Variants in DEPDC5 observed in about 807,000 individuals in gnomAD.
The protein encoded by DEPDC5 is GATOR1 complex protein DEPDC5.
DEPDC5 carries 73 observed loss-of-function variants against 217.3 expected under a neutral mutation model. That is an observed-to-expected ratio of 0.34 (90% confidence interval 0.28 to 0.41). The LOEUF is 0.41. DEPDC5 is among the 10% of genes least tolerant of loss of function. The probability of loss-of-function intolerance (pLI) is 1.00; values close to 1 mark genes in which losing one functional copy is unlikely to be tolerated. For missense variants in DEPDC5, 1,675 were observed against 2,070.1 expected (o/e 0.81, Z 3.70); for synonymous variants, 733 against 756.7 (o/e 0.97, Z 0.51).
chr22:31,819,324 C>G, intron 22 of DEPDC5, 99 bp downstream of exon 22: 1 of 1,299,522 alleles, frequency 7.7e-7, no homozygotes, highest in Admixed American at 2.0e-5. Flanking sequence ...GCCTCTGTTG[C>G]TCCACCTGTA....
chr22:31,819,358 T>C, intron 22 of DEPDC5, 133 bp downstream of exon 22: 1 of 916,136 alleles, frequency 1.1e-6, no homozygotes, highest in South Asian at 1.6e-5. Flanking sequence ...ATGCCCACTT[T>C]GGCCATCCCA....
At chr22:31,797,444 C>T (rs977183400) in intron 12 of DEPDC5, among the ~76,000 whole-genome samples, 156 bp from the exon 13 acceptor site, 1 of 152,088 alleles carries the variant, frequency 6.6e-6, no homozygotes. Flanking sequence ...ATCACAAGAA[C>T]AGCATGGAGG....
intron 33 of DEPDC5, among the ~76,000 whole-genome samples, chr22:31,867,109 C>T (rs1253625047): frequency 2.6e-5 from 4 of 152,170 alleles, no homozygotes; most frequent in African/African-American, 9.7e-5. Context: ...TGAAAGGCAT[C>T]TCCCTTTACT....
chr22:31,874,157 A>G (rs2092928565), intron 35 of DEPDC5, 116 bp from the exon 36 acceptor site: 1 of 1,427,668 alleles, frequency 7.0e-7, no homozygotes, highest in Non-Finnish European at 9.5e-7. Context: ...GCATAGGGAC[A>G]TTGCTTTATG....
Position 31,809,627 on chromosome 22 carries a change from C to G in DEPDC5, c.1304C>G (p.Ala435Gly), listed in dbSNP as rs747713897. 4 of 1,613,676 alleles carry G rather than the reference C, an allele frequency of 2.5e-6. No individual in the cohort carries two copies. The highest frequency in any genetic ancestry group is 2.5e-6 in the Non-Finnish European group (3 of 1,179,826). Reference protein sequence around the residue: ...LAGKKPASEKAKNGRDTSLGS... With the variant: ...LAGKKPASEKGKNGRDTSLGS... ...ATTTTTCAGCCCGCCTCTGAGAAAGCAAAAAATGGCCGTGATACATGTGAG... is the reference window on the plus strand; with the variant it reads ...ATTTTTCAGCCCGCCTCTGAGAAAGGAAAAAATGGCCGTGATACATGTGAG... Residue 435 changes from alanine to glycine, a missense_variant, in exon 19 of 43, where the codon GCA becomes GGA. Around this residue, in one of 11 missense-constraint regions of DEPDC5, gnomAD observed 628 missense variants for 762.1 expected, o/e 0.82. Transcript: ENST00000651528.
chr22:31,878,383 T>C (rs936716618), intron 37 of DEPDC5, among the ~76,000 whole-genome samples: 6 of 152,072 alleles, frequency 3.9e-5, no homozygotes, highest in Non-Finnish European at 5.9e-5. Flanking sequence ...GTTACTGTTA[T>C]ATATTCTGAA....
At chr22:31,827,391 G>C (rs1281573182) in intron 24 of DEPDC5, among the ~76,000 whole-genome samples, 1 of 152,138 alleles carries the variant, frequency 6.6e-6, no homozygotes. Context: ...ACCAATTAAT[G>C]TCAGATCTTC....
intron 40 of DEPDC5, among the ~76,000 whole-genome samples, chr22:31,901,168 G>A (rs186299044): frequency 8.6e-5 from 13 of 151,854 alleles, no homozygotes; most frequent in Non-Finnish European, 1.8e-4. Flanking sequence ...ACTTGAACCC[G>A]GCAGGCCGAG....
At chr22:31,755,045 G>A in intron 2 of DEPDC5, 66 bp downstream of exon 2, 1 of 1,570,756 alleles carries the variant, frequency 6.4e-7, no homozygotes, top group Non-Finnish European at 8.7e-7. Context: ...GCAATACCTA[G>A]AAATTACACA....
intron 33 of DEPDC5, among the ~76,000 whole-genome samples, chr22:31,868,665 G>A (rs1211812554): frequency 1.3e-5 from 2 of 152,180 alleles, no homozygotes; most frequent in African/African-American, 4.8e-5. Flanking sequence ...GGACTCAAGT[G>A]ATCCACTCGC....
At position 31,837,196 on chromosome 22, in the gene DEPDC5, G is replaced by A. The variant is rs763807898; in HGVS notation, c.2354+41G>A. 1.1e-5 allele frequency: 18 copies of A among 1,607,156 alleles called. No individual in the cohort carries two copies. The Admixed American group carries it at 2.0e-4, about 18-fold the overall frequency. On this transcript the variant is annotated intron_variant, in intron 26 of 42. Transcript: ENST00000651528. ...AAAGGCACTTGGCTTGGTTGGTGAG[G>A]GTTTCGGATATATCCCACACATGCA... is the stretch of plus-strand genomic sequence containing the variant.
At chr22:31,791,157 G>T (rs1218939089) in intron 10 of DEPDC5, among the ~76,000 whole-genome samples, 1 of 152,074 alleles carries the variant, frequency 6.6e-6, no homozygotes. Context: ...ATGCTGATTT[G>T]CAGTTTTCCA....
At chr22:31,816,843 G>T in intron 21 of DEPDC5, 1 of 153,336 alleles carries the variant, frequency 6.5e-6, no homozygotes, top group South Asian at 2.0e-4. Flanking sequence ...GGGTTAATCT[G>T]ACCATGAGCT....
rs569953070 is a variant in DEPDC5, at chr22:31,824,932, T to C, written c.2104+2142T>C. 2.5e-4 allele frequency among the ~76,000 whole-genome samples: 36 copies of C among 145,964 alleles called. No homozygotes were observed. The East Asian group carries it at 6.8e-3, about 28-fold the overall frequency. ...TGGAGCTTGCAGTGAGCCGAGATCGTGCCACTGCACTCCAGCCTGGGCGAC... is the reference window on the plus strand; with the variant it reads ...TGGAGCTTGCAGTGAGCCGAGATCGCGCCACTGCACTCCAGCCTGGGCGAC... On this transcript the variant is annotated intron_variant, in intron 24 of 42. Coordinates refer to ENST00000651528, the MANE Select transcript of DEPDC5 (RefSeq NM_001242896.3).
intron 5 of DEPDC5, among the ~76,000 whole-genome samples, chr22:31,766,243 A>G (rs1274618346): frequency 6.6e-6 from 1 of 152,184 alleles, no homozygotes; most frequent in African/African-American, 2.4e-5. Context: ...GATAAAAATT[A>G]TTGTCCAGAA....
intron 4 of DEPDC5, among the ~76,000 whole-genome samples, chr22:31,763,281 G>T (rs2082552202): frequency 6.6e-6 from 1 of 151,958 alleles, no homozygotes; most frequent in East Asian, 1.9e-4. Context: ...GAGCCACCAT[G>T]CCCGGCCTAA....
intron 39 of DEPDC5, among the ~76,000 whole-genome samples, chr22:31,896,340 C>T (rs1215535077): frequency 6.6e-6 from 1 of 152,128 alleles, no homozygotes; most frequent in African/African-American, 2.4e-5. Flanking sequence ...TTCGGTCAAA[C>T]AGAGATCTCG....
At chr22:31,792,149 C>A in intron 11 of DEPDC5, 47 bp downstream of exon 11, 1 of 1,331,706 alleles carries the variant, frequency 7.5e-7, no homozygotes, top group Non-Finnish European at 1.1e-6. Flanking sequence ...TTAAGCTTCC[C>A]CCAACCCCAC....
chr22:31,841,571 A>G lies in DEPDC5; in HGVS notation c.2516-1524A>G, dbSNP rs191789885. 8.5e-5 allele frequency among the ~76,000 whole-genome samples: 13 copies of G among 152,326 alleles called. No homozygotes were observed. In the East Asian group the frequency reaches 2.5e-3, roughly 29 times the overall value. On this transcript the variant is annotated intron_variant, in intron 27 of 42. Coordinates refer to ENST00000651528, the MANE Select transcript of DEPDC5 (RefSeq NM_001242896.3). ...TTTTAGGGTTTAAATACCTTCTAGA[A>G]GTGTCCCGTTGGTTACTTGGTGTAC...
Sources: gnomAD v4.1 joint callset for allele counts (sites outside exome capture counted in the v4.1 genomes callset) on GRCh38, gnomAD v4.1.1 for gene constraint, gnomAD v4.1.1 regional missense constraint, MANE v1.5 for transcripts, NCBI Gene and HGNC (gene_info 2026-07-23, HGNC 2026-07-21) for gene names.